GABBR2: variants seen among roughly 807,000 people sequenced by gnomAD.
GABBR2 encodes the protein G-protein coupled receptor 51.
Under a neutral mutation model 105.6 loss-of-function variants are expected in GABBR2, and 23 were observed. That is an observed-to-expected ratio of 0.22 (90% CI 0.16 to 0.31). The LOEUF (loss-of-function observed/expected upper bound fraction) is 0.31, where lower values mean the gene tolerates loss of function less well. Ranked by LOEUF, GABBR2 falls within the 10% of genes least tolerant of loss-of-function variation. The pLI is 1.00. For missense variants in GABBR2, 734 were observed against 1,245.5 expected (o/e 0.59, Z 6.18); for synonymous variants, 478 against 499.7 (o/e 0.96, Z 0.58).
chr9:98,552,416 T>C (rs981529063), intron 2 of GABBR2, among the ~76,000 whole-genome samples: 1 of 152,136 alleles, frequency 6.6e-6, no homozygotes, highest in African/African-American at 2.4e-5. Flanking sequence ...AACGCAACTT[T>C]CTCAGGAAGC....
In GABBR2 at chr9:98,376,838, C is replaced by T. The variant is rs147961838; in HGVS notation, c.1663-5267G>A. Reference sequence around the variant, plus strand: ...GGACCCACAGGAGTACTTTGGAACCCGAGTCAGGGCCTAGGGGCCATCTTA... The same window carrying T: ...GGACCCACAGGAGTACTTTGGAACCTGAGTCAGGGCCTAGGGGCCATCTTA... On this transcript the variant is annotated intron_variant, in intron 11 of 18. Coordinates refer to ENST00000259455, the MANE Select transcript of GABBR2 (RefSeq NM_005458.8). Among the ~76,000 whole-genome samples the T allele has an allele frequency of 4.0e-3, 606 of 152,184 alleles. 4 individuals are homozygous for T. Among genetic ancestry groups the T allele is most frequent in the African/African-American group, 0.012 (518 of 41,530 alleles).
chr9:98,438,372 C>A (rs1158638147), intron 7 of GABBR2, among the ~76,000 whole-genome samples: 2 of 152,158 alleles, frequency 1.3e-5, no homozygotes. Context: ...ATTCAACCAG[C>A]CTTCCTGTGT....
intron 1 of GABBR2, among the ~76,000 whole-genome samples, chr9:98,625,902 T>G (rs1380568056): frequency 6.6e-6 from 1 of 152,160 alleles, no homozygotes; most frequent in Admixed American, 6.5e-5. Flanking sequence ...GCACACAATA[T>G]GTAGTGATCT....
intron 7 of GABBR2, among the ~76,000 whole-genome samples, chr9:98,444,430 C>A (rs73502897): frequency 0.017 from 2,517 of 152,034 alleles, 38 homozygotes; most frequent in Middle Eastern, 0.024. Context: ...AGGAGTGTAC[C>A]AGGAACTGGG....
intron 3 of GABBR2, among the ~76,000 whole-genome samples, chr9:98,503,401 T>C (rs1275755587): frequency 6.6e-6 from 1 of 151,952 alleles, no homozygotes; most frequent in African/African-American, 2.4e-5. Flanking sequence ...TGGTAACCCA[T>C]GATGAAGTTT....
At chr9:98,690,176 AG>A (rs888743952) in intron 1 of GABBR2, among the ~76,000 whole-genome samples, 9 of 97,586 alleles carry the variant, frequency 9.2e-5, no homozygotes, top group African/African-American at 7.0e-4. Context: ...AGGACTTTCC[AG>A]TGTCATTATC....
chr9:98,688,962 A>G (rs545432664), intron 1 of GABBR2, among the ~76,000 whole-genome samples: 3 of 152,300 alleles, frequency 2.0e-5, no homozygotes, highest in African/African-American at 7.2e-5. Context: ...GTCTCAGAAA[A>G]GGAAAGCACG....
intron 1 of GABBR2, among the ~76,000 whole-genome samples, chr9:98,663,375 G>A (rs1286842859): frequency 6.6e-6 from 1 of 152,072 alleles, no homozygotes; most frequent in Non-Finnish European, 1.5e-5. Flanking sequence ...TACAGAACTG[G>A]TCTACCTGAT....
intron 7 of GABBR2, among the ~76,000 whole-genome samples, chr9:98,408,629 C>T (rs578084155): frequency 2.4e-4 from 36 of 152,296 alleles, no homozygotes; most frequent in African/African-American, 8.2e-4. Context: ...TTACCTACTG[C>T]GTGCTCGATA....
chr9:98,413,016 G>A, intron 7 of GABBR2, among the ~76,000 whole-genome samples: 1 of 152,158 alleles, frequency 6.6e-6, no homozygotes, highest in East Asian at 1.9e-4. Context: ...CATTCTGAAG[G>A]CTCCCATGTA....
intron 7 of GABBR2, among the ~76,000 whole-genome samples, chr9:98,429,155 T>TGTGTGTGTGTGTGTGTG (rs1554704942): frequency 1.3e-4 from 20 of 151,694 alleles, no homozygotes; most frequent in South Asian, 2.1e-4. Flanking sequence ...TGTGTGTGTG[T>TGTGTGTGTGTGTGTGTG]TTGAGACAAA....
At chr9:98,418,535 A>AAACAAC (rs142145341) in intron 7 of GABBR2, among the ~76,000 whole-genome samples, 1 of 150,582 alleles carries the variant, frequency 6.6e-6, no homozygotes, top group Non-Finnish European at 1.5e-5. Context: ...ACCCTGTCTC[A>AAACAAC]AACAACAACA....
Position 98,548,713 on chromosome 9 carries a change from G to T in GABBR2, c.460-6670C>A, listed in dbSNP as rs1307265037. Among the ~76,000 whole-genome samples the T allele has an allele frequency of 1.7e-5, 2 of 119,640 alleles. 1 individual carries two copies. The highest frequency in any genetic ancestry group is 3.7e-5 in the Non-Finnish European group (2 of 53,606). 78.5% of individuals were successfully genotyped at this position (119,640 alleles called of 152,430 possible). A position where few individuals can be genotyped will look rare whatever the true frequency, so the allele number is the denominator to read the frequency against. ...GTCCTGAGTCTAACTCAGATTGTAG[G>T]GGAGAAAGGAAAAGGTCTACCTGTT... On this transcript the variant is annotated intron_variant, in intron 2 of 18. Coordinates refer to ENST00000259455, the MANE Select transcript of GABBR2 (RefSeq NM_005458.8).
intron 3 of GABBR2, among the ~76,000 whole-genome samples, chr9:98,504,858 T>C (rs571607393): frequency 2.0e-5 from 3 of 152,290 alleles, no homozygotes; most frequent in South Asian, 4.1e-4. Flanking sequence ...AACACTCAAA[T>C]CTTTGAATAA....
At chr9:98,294,197 A>C (rs748364058) in intron 17 of GABBR2, among the ~76,000 whole-genome samples, 2 of 152,238 alleles carry the variant, frequency 1.3e-5, no homozygotes, top group Non-Finnish European at 1.5e-5. Context: ...TGTAGGAAAC[A>C]TAACTTAGAA....
At chr9:98,429,495 C>A (rs1299498136) in intron 7 of GABBR2, among the ~76,000 whole-genome samples, 1 of 152,196 alleles carries the variant, frequency 6.6e-6, no homozygotes, top group Non-Finnish European at 1.5e-5. Flanking sequence ...TTTCTGACTT[C>A]TATGTCAGTG....
chr9:98,306,567 C>G lies in GABBR2; in HGVS notation c.2005-222G>C. The stretch of plus-strand genomic sequence containing the variant: ...CAAATGCAGACTGGGGATGTGACAG[C>G]TGTCCAGTTCTCCTGCACCCCTATG... On this transcript the variant is annotated intron_variant, in intron 14 of 18. Transcript: ENST00000259455. This position sits in a 1 kb window ranked among gnomAD's most constrained non-coding sequence, Gnocchi z 5.4. The G allele has an allele frequency of 1.7e-6, 1 of 577,714 alleles. No homozygotes were observed. The allele number at this position is 577,714 out of a possible 1,614,324, so 35.8% of individuals were successfully genotyped here.
At chr9:98,311,520 C>G (rs1014057131) in intron 13 of GABBR2, among the ~76,000 whole-genome samples, 6 of 152,208 alleles carry the variant, frequency 3.9e-5, no homozygotes, top group Non-Finnish European at 5.9e-5. Context: ...AACACAAAAC[C>G]TGGCCCAATG....
chr9:98,510,624 G>C (rs1264785873), intron 3 of GABBR2, among the ~76,000 whole-genome samples: 4 of 151,808 alleles, frequency 2.6e-5, no homozygotes, highest in African/African-American at 9.7e-5. Context: ...TGCAATCCTA[G>C]TCTCTGATAA....
Sources: gnomAD v4.1 joint callset for allele counts (sites outside exome capture counted in the v4.1 genomes callset) on GRCh38, gnomAD v4.1.1 for gene constraint, Gnocchi (gnomAD v3.1) non-coding constraint, MANE v1.5 for transcripts, NCBI Gene and HGNC (gene_info 2026-07-23, HGNC 2026-07-21) for gene names.